Variants in PLLP observed in about 807,000 individuals in gnomAD.
The protein encoded by PLLP is plasmolipin.
PLLP carries 15 observed loss-of-function variants against 19.7 expected under a neutral mutation model. The observed-to-expected ratio is 0.76, with a 90% confidence interval of 0.51 to 1.17. The LOEUF is 1.17. Among genes scored for constraint, PLLP ranks in the 50% most tolerant of loss-of-function variants. The pLI, the probability that PLLP is intolerant of heterozygous loss-of-function variation, is 0.00. For missense variants in PLLP, 255 were observed against 258.3 expected, an observed-to-expected ratio of 0.99 and a Z score of 0.09; for synonymous variants, 111 against 116.3, an observed-to-expected ratio of 0.95 and a Z score of 0.29.
intron 1 of PLLP, among the ~76,000 whole-genome samples, chr16:57,271,173 CAGA>C (rs368992852): frequency 2.6e-5 from 4 of 152,072 alleles, no homozygotes; most frequent in South Asian, 2.1e-4. Flanking sequence ...ATGCCAAACG[CAGA>C]AGAAGTTGCA....
chr16:57,278,408 T>C (rs536158839), intron 1 of PLLP, among the ~76,000 whole-genome samples: 2 of 152,238 alleles, frequency 1.3e-5, no homozygotes, highest in East Asian at 3.9e-4. Flanking sequence ...ATCAATGTTT[T>C]CAAAAGTGCA....
At position 57,284,448 on chromosome 16, in the gene PLLP, G is replaced by A. The variant is rs768172611; in HGVS notation, c.93C>T (p.Gly31=). 1.4e-6 allele frequency: 2 copies of A among 1,404,780 alleles called. No homozygotes were observed. Among genetic ancestry groups the A allele is most frequent in the South Asian group, 1.5e-5 (1 of 67,272 alleles). 87.0% of individuals were successfully genotyped at this position (1,404,780 alleles called of 1,614,324 possible). ...ASVSALRPDL[G]FVRSRLGALM... ...GCGCCCCGAGGCGGGAGCGCACGAA[G>A]CCCAGGTCCGGGCGCAGCGCCGACA... The change falls in exon 1 of 4, where the codon GGC becomes GGT. Residue 31 remains glycine, a synonymous_variant. Transcript: ENST00000219207.
intron 2 of PLLP, among the ~76,000 whole-genome samples, chr16:57,261,126 T>G (rs1038356521): frequency 2.0e-5 from 3 of 152,082 alleles, no homozygotes; most frequent in African/African-American, 7.2e-5. Flanking sequence ...TAGCTGGGAC[T>G]AGAGGCGCGC....
chr16:57,284,201 T>C (rs1901253126), intron 1 of PLLP, among the ~76,000 whole-genome samples: 1 of 151,774 alleles, frequency 6.6e-6, no homozygotes, highest in African/African-American at 2.4e-5. Flanking sequence ...CACGGGGTAG[T>C]GTCGTGGTGA....
intron 1 of PLLP, among the ~76,000 whole-genome samples, chr16:57,275,787 A>C (rs1901146494): frequency 1.3e-5 from 2 of 152,342 alleles, no homozygotes; most frequent in Admixed American, 6.5e-5. Flanking sequence ...ATGAGCAAAG[A>C]ATACAAACAG....
At position 57,284,575 on chromosome 16, in the gene PLLP, C is replaced by A; in HGVS notation, c.-35G>T. On this transcript the variant is annotated 5_prime_UTR_variant, in exon 1 of 4. Transcript: ENST00000219207. The stretch of plus-strand genomic sequence containing the variant: ...GCTTGCCTCCCGAGGTCGCTACGGC[C>A]GCCGTCGCCGCCCCTCCAGCGGTGG... 3 of 1,319,386 alleles carry A rather than the reference C, an allele frequency of 2.3e-6. No individual in the cohort carries two copies. The highest frequency in any genetic ancestry group is 4.8e-5 in the South Asian group (2 of 41,534). 81.7% of individuals were successfully genotyped at this position (1,319,386 alleles called of 1,614,324 possible).
chr16:57,258,240 A>G (rs2075431826), intron 3 of PLLP, among the ~76,000 whole-genome samples: 1 of 152,044 alleles, frequency 6.6e-6, no homozygotes, highest in African/African-American at 2.4e-5. Flanking sequence ...CAAAAAAAAG[A>G]AAAAATAGTT....
chr16:57,271,511 G>C (rs540311859), intron 1 of PLLP, among the ~76,000 whole-genome samples: 4 of 152,178 alleles, frequency 2.6e-5, no homozygotes, highest in Admixed American at 2.6e-4. Flanking sequence ...TGGGCGTGGT[G>C]GTGGGCACCT....
chr16:57,276,870 T>C (rs971832550), intron 1 of PLLP, among the ~76,000 whole-genome samples: 8 of 152,122 alleles, frequency 5.3e-5, no homozygotes, highest in Non-Finnish European at 8.8e-5. Context: ...CTTGGTGGCA[T>C]TTCTTGCAGC....
At chr16:57,273,020 G>A in intron 1 of PLLP, among the ~76,000 whole-genome samples, 1 of 152,010 alleles carries the variant, frequency 6.6e-6, no homozygotes, top group African/African-American at 2.4e-5. Context: ...AGCACTTTGG[G>A]AGGCCGGGCG....
intron 3 of PLLP, 151 bp from the exon 4 acceptor site, chr16:57,257,180 T>A (rs2075428618): frequency 3.1e-6 from 2 of 636,900 alleles, no homozygotes; most frequent in Non-Finnish European, 2.8e-6. Flanking sequence ...ATGGGGCTGA[T>A]GAGCACCAGG....
intron 1 of PLLP, among the ~76,000 whole-genome samples, chr16:57,273,078 G>A (rs1372584680): frequency 6.6e-6 from 1 of 151,824 alleles, no homozygotes; most frequent in African/African-American, 2.4e-5. Context: ...CTAACATGGT[G>A]AAACCCCGTC....
In PLLP at chr16:57,284,459, G is replaced by A. The variant is rs773207207; in HGVS notation, c.82C>T (p.Pro28Ser). ...GAEASVSALR[P>S]DLGFVRSRLG... ...CGGGAGCGCACGAAGCCCAGGTCCG[G>A]GCGCAGCGCCGACACCGAGGCTTCG... Residue 28 changes from proline (P) to serine (S), a missense_variant, in exon 1 of 4, where the codon CCG becomes TCG. Pro to Ser is a moderately conservative substitution (Grantham distance 74). Coordinates refer to ENST00000219207, the MANE Select transcript of PLLP (RefSeq NM_015993.3). 4 of 1,413,096 alleles carry A rather than the reference G, an allele frequency of 2.8e-6. No individual in the cohort carries two copies. The highest frequency in any genetic ancestry group is 1.5e-5 in the African/African-American group (1 of 67,380). 87.5% of individuals were successfully genotyped at this position (1,413,096 alleles called of 1,614,324 possible).
intron 1 of PLLP, among the ~76,000 whole-genome samples, chr16:57,268,955 A>C (rs2075465945): frequency 1.3e-5 from 2 of 152,200 alleles, no homozygotes. Flanking sequence ...TTCAAGCACC[A>C]GGCACAGCCC....
intron 1 of PLLP, among the ~76,000 whole-genome samples, chr16:57,280,757 T>G (rs1253749356): frequency 3.9e-5 from 6 of 152,248 alleles, no homozygotes; most frequent in Admixed American, 3.9e-4. Flanking sequence ...TCTTCTGTCT[T>G]ATGTGGTTTA....
intron 1 of PLLP, among the ~76,000 whole-genome samples, chr16:57,281,317 TAAG>T (rs1445584018): frequency 2.0e-5 from 3 of 152,230 alleles, no homozygotes; most frequent in South Asian, 4.1e-4. Flanking sequence ...TGGGGCCGAC[TAAG>T]AAGATCTAAA....
Position 57,266,092 on chromosome 16 carries a change from C to T in PLLP, c.136-4022G>A, listed in dbSNP as rs183795976. On this transcript the variant is annotated intron_variant, in intron 1 of 3. Coordinates refer to ENST00000219207, the MANE Select transcript of PLLP (RefSeq NM_015993.3). ...CAGATCCGTGCTTCCTTGGAACCTG[C>T]GCTACTATGAGTTATTTAGTGAAGT... 5.9e-5 allele frequency among the ~76,000 whole-genome samples: 9 copies of T among 152,182 alleles called. No individual in the cohort carries two copies. The East Asian group carries it at 1.7e-3, about 29-fold the overall frequency.
At chr16:57,280,022 G>A (rs1168157094) in intron 1 of PLLP, among the ~76,000 whole-genome samples, 2 of 152,236 alleles carry the variant, frequency 1.3e-5, no homozygotes, top group South Asian at 2.1e-4. Flanking sequence ...TGACTGACAG[G>A]TCTCTGTACA....
intron 1 of PLLP, among the ~76,000 whole-genome samples, chr16:57,281,517 C>CTTTTTT (rs771314004): frequency 7.7e-5 from 10 of 130,142 alleles, no homozygotes; most frequent in African/African-American, 3.1e-4. Context: ...TTTTTTATTT[C>CTTTTTT]TTTTTTTTTT....
Sources: gnomAD v4.1 joint callset for allele counts (sites outside exome capture counted in the v4.1 genomes callset) on GRCh38, gnomAD v4.1.1 for gene constraint, MANE v1.5 for transcripts, NCBI Gene and HGNC (gene_info 2026-07-23, HGNC 2026-07-21) for gene names.